Variants in CSMD1 observed in about 807,000 individuals in gnomAD.
The protein encoded by CSMD1 is CUB and sushi domain-containing protein 1.
Under a neutral mutation model 417.5 loss-of-function variants are expected in CSMD1, and 213 were observed. The ratio of observed to expected loss-of-function variants is 0.51; its 90% CI spans 0.46 to 0.57. The LOEUF (loss-of-function observed/expected upper bound fraction) is 0.57, where lower values mean the gene tolerates loss of function less well. CSMD1 is among the 20% of genes least tolerant of loss of function. CSMD1 has a pLI of 0.00. For missense variants in CSMD1, 6,923 were observed against 4,529.7 expected, an observed-to-expected ratio of 1.53 and a Z score of -15.17; for synonymous variants, 2,862 against 1,736.8, an observed-to-expected ratio of 1.65 and a Z score of -16.11.
chr8:3,969,505 T>C lies in CSMD1; in HGVS notation c.818+28398A>G, dbSNP rs1419297067. Among the ~76,000 whole-genome samples, 3 of 152,176 alleles carry C rather than the reference T, an allele frequency of 2.0e-5. No individual in the cohort carries two copies. In the East Asian group the frequency reaches 5.8e-4, roughly 29 times the overall value. Reference sequence around the variant, plus strand: ...TGTGTTTTTTTTCCCCTTTCCCTTGTACAAGTTATTTAACTTGGTGAAATC... The same window carrying C: ...TGTGTTTTTTTTCCCCTTTCCCTTGCACAAGTTATTTAACTTGGTGAAATC... On this transcript the variant is annotated intron_variant, in intron 5 of 69. Transcript: ENST00000635120.
chr8:4,114,256 C>G (rs1257128845), intron 3 of CSMD1, among the ~76,000 whole-genome samples: 1 of 152,138 alleles, frequency 6.6e-6, no homozygotes, highest in African/African-American at 2.4e-5. Context: ...TCCTAGGGCT[C>G]TTAAGAATGA....
chr8:3,586,174 G>C lies in CSMD1; in HGVS notation c.1184C>G (p.Thr395Arg), dbSNP rs371509704. 15 of 1,612,504 alleles carry C rather than the reference G, an allele frequency of 9.3e-6. No homozygotes were observed. The highest frequency in any genetic ancestry group is 1.3e-5 in the Non-Finnish European group (15 of 1,179,414). The change falls in exon 9 of 70, where the codon ACG (threonine) becomes AGG (arginine). Residue 395 changes from threonine to arginine, a missense_variant. Coordinates refer to ENST00000635120, the MANE Select transcript of CSMD1 (RefSeq NM_033225.6). The stretch of plus-strand genomic sequence containing the variant: ...CCTGTGGTCACTCCAAGCAGCGAGC[G>C]TCTCTGTAACTCTCTGACAGGTGAT... ...KSITCQRVTE[T>R]LAAWSDHRPI...
chr8:4,204,124 C>G (rs764943331), intron 3 of CSMD1, among the ~76,000 whole-genome samples: 1 of 152,034 alleles, frequency 6.6e-6, no homozygotes, highest in Non-Finnish European at 1.5e-5. Flanking sequence ...AAACCTAAAA[C>G]TTAAAGGATC....
intron 2 of CSMD1, among the ~76,000 whole-genome samples, chr8:4,467,421 A>T (rs1332576212): frequency 6.6e-6 from 1 of 151,572 alleles, no homozygotes; most frequent in Non-Finnish European, 1.5e-5. Context: ...TTTCCGTCTT[A>T]GACTACCAAG....
chr8:4,486,252 T>TATATATATATATATACATAC (rs1563224319), intron 2 of CSMD1, among the ~76,000 whole-genome samples: 9 of 24,616 alleles, frequency 3.7e-4, no homozygotes, highest in South Asian at 1.4e-3. Context: ...TATACATACA[T>TATATATATATATATACATAC]ATATATATAT....
intron 11 of CSMD1, among the ~76,000 whole-genome samples, chr8:3,486,153 C>G (rs1818019508): frequency 6.6e-6 from 1 of 152,148 alleles, no homozygotes; most frequent in African/African-American, 2.4e-5. Context: ...ATTTCATTTT[C>G]AAATTTGATT....
intron 3 of CSMD1, among the ~76,000 whole-genome samples, chr8:4,405,278 A>G (rs990221364): frequency 2.0e-5 from 3 of 152,198 alleles, no homozygotes; most frequent in Non-Finnish European, 4.4e-5. Flanking sequence ...AAGGAAAATG[A>G]TATTATCATA....
chr8:3,580,811 G>C (rs927766046), intron 9 of CSMD1, among the ~76,000 whole-genome samples: 2 of 152,092 alleles, frequency 1.3e-5, no homozygotes, highest in African/African-American at 2.4e-5. Flanking sequence ...ATCTTTCGGG[G>C]TAAATGATCT....
At chr8:4,071,206 C>T (rs1799538360) in intron 3 of CSMD1, among the ~76,000 whole-genome samples, 1 of 151,878 alleles carries the variant, frequency 6.6e-6, no homozygotes, top group Admixed American at 6.6e-5. Context: ...CTTTCTCCTT[C>T]CGGAGTTTCA....
intron 5 of CSMD1, among the ~76,000 whole-genome samples, chr8:3,910,232 G>T (rs759039825): frequency 1.3e-5 from 2 of 152,118 alleles, no homozygotes; most frequent in Non-Finnish European, 2.9e-5. Context: ...GTGAATTGTG[G>T]GGTGGGGAGG....
chr8:3,079,508 A>T (rs1438073592), intron 49 of CSMD1, among the ~76,000 whole-genome samples: 1 of 152,254 alleles, frequency 6.6e-6, no homozygotes, highest in Non-Finnish European at 1.5e-5. Context: ...ATGCATATAA[A>T]AAAATCAAGA....
intron 2 of CSMD1, among the ~76,000 whole-genome samples, chr8:4,548,963 A>T (rs1797748271): frequency 6.6e-6 from 1 of 152,212 alleles, no homozygotes; most frequent in African/African-American, 2.4e-5. Flanking sequence ...AATTTTGCAT[A>T]AAGTTTTGAG....
At chr8:4,476,018 G>A (rs908564225) in intron 2 of CSMD1, among the ~76,000 whole-genome samples, 1 of 151,964 alleles carries the variant, frequency 6.6e-6, no homozygotes, top group African/African-American at 2.4e-5. Context: ...TTAATCAGCA[G>A]ACAAAAGCAA....
rs182457688 is a variant in CSMD1 at position 4,120,006 on chromosome 8, G to A, written c.416-87907C>T. Among the ~76,000 whole-genome samples, 701 of 152,208 alleles carry A rather than the reference G, an allele frequency of 4.6e-3. 8 individuals carry two copies. The highest frequency in any genetic ancestry group is 0.026 in the South Asian group (124 of 4,818). ...ACCTAGTATTTGATAGCACAATAGG[G>A]TGACGGCAGTTGATGATAATTTAAT... On this transcript the variant is annotated intron_variant, in intron 3 of 69. Transcript: ENST00000635120.
At chr8:4,076,898 A>C (rs1585261850) in intron 3 of CSMD1, among the ~76,000 whole-genome samples, 1 of 152,180 alleles carries the variant, frequency 6.6e-6, no homozygotes, top group Non-Finnish European at 1.5e-5. Context: ...CTGAAGAACT[A>C]CTGAAATTTT....
chr8:4,375,026 G>C (rs889060419), intron 3 of CSMD1, among the ~76,000 whole-genome samples: 2 of 151,028 alleles, frequency 1.3e-5, no homozygotes, highest in Non-Finnish European at 2.9e-5. Context: ...CAGGGAGCTA[G>C]AGCAATTTGT....
chr8:3,806,509 G>A (rs1048324901), intron 5 of CSMD1, among the ~76,000 whole-genome samples: 6 of 152,158 alleles, frequency 3.9e-5, no homozygotes, highest in South Asian at 2.1e-4. Context: ...ACAGAGCCAC[G>A]GTGCTCTGTG....
At chr8:4,189,331 C>A (rs1481252365) in intron 3 of CSMD1, among the ~76,000 whole-genome samples, 1 of 152,122 alleles carries the variant, frequency 6.6e-6, no homozygotes, top group South Asian at 2.1e-4. Flanking sequence ...CTGGTGCCAA[C>A]TGTGTTTATT....
chr8:4,729,794 T>A (rs1329574229), intron 1 of CSMD1, among the ~76,000 whole-genome samples: 1 of 152,190 alleles, frequency 6.6e-6, no homozygotes, highest in Non-Finnish European at 1.5e-5. Flanking sequence ...GTATAATCAA[T>A]AATGAAATAA....
Sources: gnomAD v4.1 joint callset for allele counts (sites outside exome capture counted in the v4.1 genomes callset) on GRCh38, gnomAD v4.1.1 for gene constraint, MANE v1.5 for transcripts, NCBI Gene and HGNC (gene_info 2026-07-23, HGNC 2026-07-21) for gene names.